RASSF3: variants seen among roughly 807,000 people sequenced by gnomAD.
The protein encoded by RASSF3 is Ras association domain family member 3.
RASSF3 carries 19 observed loss-of-function variants against 19.9 expected under a neutral mutation model. The ratio of observed to expected loss-of-function variants is 0.96; its 90% CI spans 0.67 to 1.40. RASSF3 has a LOEUF of 1.40. RASSF3 is among the 40% of genes most tolerant of loss of function. RASSF3 has a pLI of 0.00. For synonymous variants in RASSF3, 110 were observed against 104.2 expected (o/e 1.06, Z -0.34); for missense variants, 306 against 289.8 (o/e 1.06, Z -0.41).
At chr12:64,681,361 C>T (rs1873119552) in intron 1 of RASSF3, among the ~76,000 whole-genome samples, 1 of 152,156 alleles carries the variant, frequency 6.6e-6, no homozygotes, top group African/African-American at 2.4e-5. Flanking sequence ...CAGGAAGCAC[C>T]TTAGAGGAGG....
At chr12:64,686,104 G>A (rs1339666741) in intron 2 of RASSF3, among the ~76,000 whole-genome samples, 1 of 151,918 alleles carries the variant, frequency 6.6e-6, no homozygotes. Flanking sequence ...AGAATCCCAA[G>A]ATAACTCTTC....
At chr12:64,596,034 C>T (rs1285964476) in intron 2 of RASSF3, among the ~76,000 whole-genome samples, 1 of 152,226 alleles carries the variant, frequency 6.6e-6, no homozygotes, top group East Asian at 1.9e-4. Flanking sequence ...CAACAAGGGT[C>T]CTGCCCCAAA....
intron 1 of RASSF3, among the ~76,000 whole-genome samples, chr12:64,621,633 A>G (rs996547000): frequency 6.6e-6 from 1 of 152,166 alleles, no homozygotes; most frequent in African/African-American, 2.4e-5. Context: ...ATGCGCCACT[A>G]TGCGCGGCTA....
chr12:64,577,344 A>C (rs1381022041), intron 2 of RASSF3, among the ~76,000 whole-genome samples: 3 of 152,194 alleles, frequency 2.0e-5, no homozygotes, highest in African/African-American at 7.2e-5. Context: ...TTAGCGCTAC[A>C]ATGTTTTAAA....
At chr12:64,694,665 G>A (rs1868328707) in intron 4 of RASSF3, 98 bp from the exon 5 acceptor site, 3 of 1,331,130 alleles carry the variant, frequency 2.3e-6, no homozygotes, top group Non-Finnish European at 3.2e-6. Context: ...GGGGCTGGGA[G>A]GGGAGGGCAG....
chr12:64,610,829 C>T, intron 1 of RASSF3, 86 bp downstream of exon 1: 1 of 717,488 alleles, frequency 1.4e-6, no homozygotes, highest in Non-Finnish European at 2.1e-6. Context: ...CCACGTGTCT[C>T]TGCGGGGCGC....
rs530273390 is a variant in RASSF3 at position 64,610,676 on chromosome 12, T to A, written c.44T>A (p.Phe15Tyr). 27 of 1,592,780 alleles carry A rather than the reference T, an allele frequency of 1.7e-5. No homozygotes were observed. The highest frequency in any genetic ancestry group is 9.0e-5 in the South Asian group (8 of 89,012). The stretch of plus-strand genomic sequence containing the variant: ...AGCCTGGAGGAGGACGCCGAGGACT[T>A]CTTCTTCACCGCCAGGACCTCCTTC... ...YSSLEEDAED[F>Y]FFTARTSFFR... Residue 15 changes from phenylalanine to tyrosine, a missense_variant, in exon 1 of 5, where the codon TTC becomes TAC. By Grantham distance (22) the Phe-to-Tyr change is conservative. Coordinates refer to ENST00000542104, the MANE Select transcript of RASSF3 (RefSeq NM_178169.4).
At chr12:64,575,302 C>T (rs1002768649) in intron 2 of RASSF3, among the ~76,000 whole-genome samples, 68 of 152,018 alleles carry the variant, frequency 4.5e-4, no homozygotes, top group African/African-American at 1.6e-3. Context: ...GCCTATAATC[C>T]CAGCGCTTTG....
intron 1 of RASSF3, among the ~76,000 whole-genome samples, chr12:64,614,398 GA>G (rs773451272): frequency 7.2e-5 from 11 of 152,160 alleles, no homozygotes; most frequent in South Asian, 6.2e-4. Context: ...AAAGTGCTGG[GA>G]TTACAGGCGT....
chr12:64,615,679 CT>C (rs565695135), intron 1 of RASSF3, among the ~76,000 whole-genome samples: 10,274 of 142,174 alleles, frequency 0.072, 960 homozygotes, highest in African/African-American at 0.22. Context: ...TAGCCTTTTT[CT>C]TTTTTTTTTT....
chr12:64,534,983 G>A (rs1303128443), intron 1 of RASSF3, among the ~76,000 whole-genome samples: 1 of 151,650 alleles, frequency 6.6e-6, no homozygotes, highest in East Asian at 1.9e-4. Context: ...CTATTGTGAC[G>A]TACACCGTCA....
intron 3 of RASSF3, among the ~76,000 whole-genome samples, chr12:64,691,177 A>G (rs1868273896): frequency 6.6e-6 from 1 of 152,192 alleles, no homozygotes; most frequent in African/African-American, 2.4e-5. Context: ...CTTGTTTTCT[A>G]AAAGGAAGAG....
intron 2 of RASSF3, among the ~76,000 whole-genome samples, chr12:64,557,436 A>G (rs187755367): frequency 2.0e-5 from 3 of 152,244 alleles, no homozygotes; most frequent in South Asian, 4.1e-4. Flanking sequence ...TCCTGCCACA[A>G]TGGTGACTCT....
intron 1 of RASSF3, among the ~76,000 whole-genome samples, chr12:64,680,670 A>G (rs1019818462): frequency 4.0e-5 from 6 of 151,746 alleles, no homozygotes; most frequent in African/African-American, 1.5e-4. Flanking sequence ...CTGGAGTGCA[A>G]TGGCGTGATC....
intron 1 of RASSF3, 24 bp downstream of exon 1, chr12:64,610,767 G>A (rs1870324202): frequency 2.0e-6 from 3 of 1,513,174 alleles, no homozygotes; most frequent in Non-Finnish European, 2.7e-6. Context: ...GGCGGGCGCT[G>A]CAGCCCGCGC....
chr12:64,628,367 T>A (rs1871060809), intron 1 of RASSF3: 1 of 152,230 alleles, frequency 6.6e-6, no homozygotes, highest in Non-Finnish European at 1.5e-5. Flanking sequence ...TGTATGAGAA[T>A]CATCTTCTTA....
rs537860812 is a variant in RASSF3 at position 64,553,774 on chromosome 12, C to G, written c.294+12069C>G. Reference sequence around the variant, plus strand: ...GGTGAATCACTTGAGCCCAGGAGTTCAAGACCAACCTGGCCAACATGGCAA... The same window carrying G: ...GGTGAATCACTTGAGCCCAGGAGTTGAAGACCAACCTGGCCAACATGGCAA... On this transcript the variant is annotated intron_variant, in intron 2 of 5. Coordinates refer to the RASSF3 transcript ENST00000637125. Among the ~76,000 whole-genome samples the G allele has an allele frequency of 4.6e-5, 7 of 152,152 alleles. No homozygotes were observed. The South Asian group carries it at 1.5e-3, about 32-fold the overall frequency.
chr12:64,544,214 G>A (rs1057099856), downstream of RASSF3, among the ~76,000 whole-genome samples: 2 of 151,182 alleles, frequency 1.3e-5, no homozygotes, highest in Admixed American at 6.6e-5. Context: ...AGCTTCACTC[G>A]TGAAGCCATC....
intron 1 of RASSF3, chr12:64,507,400 G>A (rs948687506): frequency 5.0e-6 from 2 of 397,776 alleles, no homozygotes; most frequent in Non-Finnish European, 8.9e-6. Flanking sequence ...TTTTAAAATG[G>A]AGCCTCCCTC....
Sources: allele counts gnomAD v4.1 joint callset (sites outside exome capture counted in the v4.1 genomes callset), GRCh38; gene constraint gnomAD v4.1.1; transcripts MANE v1.5; gene names NCBI Gene and HGNC (gene_info 2026-07-23, HGNC 2026-07-21).